GALNT17: variants seen among roughly 807,000 people sequenced by gnomAD.
GALNT17 encodes polypeptide N-acetylgalactosaminyltransferase 17.
Under a neutral mutation model 63.7 loss-of-function variants are expected in GALNT17, and 29 were observed. The ratio of observed to expected loss-of-function variants is 0.46; its 90% CI spans 0.34 to 0.62. The LOEUF (loss-of-function observed/expected upper bound fraction) is 0.62. GALNT17 is among the 20% of genes least tolerant of loss of function. The probability of loss-of-function intolerance (pLI) is 0.01; values close to 1 mark genes in which losing one functional copy is unlikely to be tolerated. For synonymous variants in GALNT17, 305 were observed against 318.3 expected (o/e 0.96, Z 0.45); for missense variants, 603 against 799.6 (o/e 0.75, Z 2.97).
intron 6 of GALNT17, among the ~76,000 whole-genome samples, chr7:71,635,146 G>T (rs1562717900): frequency 6.7e-6 from 1 of 149,632 alleles, no homozygotes; most frequent in Non-Finnish European, 1.5e-5. Context: ...GGCAGAGGTT[G>T]CAGTGAGCCG....
chr7:71,654,209 G>T (rs1465545636), intron 6 of GALNT17, among the ~76,000 whole-genome samples: 3 of 152,032 alleles, frequency 2.0e-5, no homozygotes, highest in African/African-American at 7.2e-5. Context: ...TAGAGACGGG[G>T]TTTCACCGTG....
intron 5 of GALNT17, among the ~76,000 whole-genome samples, chr7:71,532,451 C>G (rs2116783609): frequency 6.6e-6 from 1 of 152,192 alleles, no homozygotes; most frequent in South Asian, 2.1e-4. Flanking sequence ...TACCATATGT[C>G]TAAATGTATT....
intron 1 of GALNT17, among the ~76,000 whole-genome samples, chr7:71,333,902 T>C (rs2116079113): frequency 6.6e-6 from 1 of 152,306 alleles, no homozygotes; most frequent in Non-Finnish European, 1.5e-5. Context: ...AGCACAGGTG[T>C]TTGTACTCAA....
chr7:71,413,242 C>G (rs1351316324), intron 3 of GALNT17, among the ~76,000 whole-genome samples: 1 of 152,140 alleles, frequency 6.6e-6, no homozygotes, highest in Non-Finnish European at 1.5e-5. Flanking sequence ...GTTAATGCTC[C>G]CAGCCAAAAC....
intron 2 of GALNT17, among the ~76,000 whole-genome samples, chr7:71,353,945 G>A (rs1387779715): frequency 6.6e-6 from 1 of 152,150 alleles, no homozygotes; most frequent in African/African-American, 2.4e-5. Context: ...GAGGCCTCAG[G>A]AAACTTACAA....
chr7:71,440,102 G>GT (rs1787038668), intron 5 of GALNT17, among the ~76,000 whole-genome samples: 1 of 151,662 alleles, frequency 6.6e-6, no homozygotes, highest in South Asian at 2.1e-4. Context: ...CTAATTTTTC[G>GT]TATTTTTAGT....
chr7:71,650,503 G>T (rs1401896339), intron 6 of GALNT17, among the ~76,000 whole-genome samples: 1 of 152,148 alleles, frequency 6.6e-6, no homozygotes, highest in Non-Finnish European at 1.5e-5. Context: ...GGGATTACAG[G>T]TGTGAGCCCA....
intron 1 of GALNT17, among the ~76,000 whole-genome samples, chr7:71,300,082 A>T (rs905240777): frequency 6.6e-6 from 1 of 152,112 alleles, no homozygotes; most frequent in Admixed American, 6.5e-5. Context: ...CCTGCCCTGG[A>T]GGGAATGTTT....
chr7:71,530,574 A>G (rs997447798), intron 5 of GALNT17, among the ~76,000 whole-genome samples: 1 of 96,410 alleles, frequency 1.0e-5, no homozygotes, highest in Admixed American at 9.3e-5. Context: ...TTATTTATTT[A>G]TTTATTTATT....
intron 5 of GALNT17, among the ~76,000 whole-genome samples, chr7:71,446,890 A>C (rs1224196103): frequency 2.6e-5 from 4 of 152,162 alleles, no homozygotes; most frequent in African/African-American, 9.7e-5. Flanking sequence ...CTATATCTCT[A>C]AATAGTACAC....
At chr7:71,195,281 T>A (rs554368390) in intron 1 of GALNT17, among the ~76,000 whole-genome samples, 1 of 152,182 alleles carries the variant, frequency 6.6e-6, no homozygotes, top group South Asian at 2.1e-4. Context: ...ATTGGCATGA[T>A]CATAACTTAG....
chr7:71,196,389 C>T (rs1046194609), intron 1 of GALNT17, among the ~76,000 whole-genome samples: 3 of 152,156 alleles, frequency 2.0e-5, no homozygotes, highest in Admixed American at 6.5e-5. Flanking sequence ...ATCCACCCGC[C>T]TCAGCCTCCC....
At chr7:71,582,213 A>G (rs1195192983) in intron 6 of GALNT17, among the ~76,000 whole-genome samples, 1 of 152,154 alleles carries the variant, frequency 6.6e-6, no homozygotes, top group Non-Finnish European at 1.5e-5. Context: ...ACATGTTTGT[A>G]GCAGCACAAT....
At chr7:71,646,615 C>T (rs893074850) in intron 6 of GALNT17, among the ~76,000 whole-genome samples, 1 of 152,176 alleles carries the variant, frequency 6.6e-6, no homozygotes, top group Admixed American at 6.6e-5. Flanking sequence ...GGTCAGACCC[C>T]TCATCTTGGC....
intron 1 of GALNT17, among the ~76,000 whole-genome samples, chr7:71,283,385 A>G (rs1562969000): frequency 6.6e-6 from 1 of 152,014 alleles, no homozygotes; most frequent in Non-Finnish European, 1.5e-5. Flanking sequence ...TGGTTTAATT[A>G]TGTTGATTAT....
At chr7:71,465,841 T>C (rs1292981780) in intron 5 of GALNT17, among the ~76,000 whole-genome samples, 1 of 152,226 alleles carries the variant, frequency 6.6e-6, no homozygotes, top group Non-Finnish European at 1.5e-5. Context: ...CAGCTTTTAT[T>C]GGAAGGACAG....
At chr7:71,489,300 C>T (rs982346257) in intron 5 of GALNT17, among the ~76,000 whole-genome samples, 6 of 152,134 alleles carry the variant, frequency 3.9e-5, no homozygotes, top group African/African-American at 1.4e-4. Context: ...ACCTGACTAT[C>T]GTCTTAAAAT....
intron 1 of GALNT17, among the ~76,000 whole-genome samples, chr7:71,241,101 T>A (rs1416098692): frequency 6.6e-6 from 1 of 152,206 alleles, no homozygotes; most frequent in East Asian, 1.9e-4. Flanking sequence ...ATGATGATGT[T>A]CTCTGTAAGT....
intron 6 of GALNT17, among the ~76,000 whole-genome samples, chr7:71,620,474 T>C (rs947320178): frequency 5.9e-5 from 9 of 152,182 alleles, no homozygotes; most frequent in Admixed American, 2.6e-4. Context: ...AAGACCCTGT[T>C]TCTAATAAAT....
Sources: gnomAD v4.1 joint callset for allele counts (sites outside exome capture counted in the v4.1 genomes callset) on GRCh38, gnomAD v4.1.1 for gene constraint, MANE v1.5 for transcripts, NCBI Gene and HGNC (gene_info 2026-07-23, HGNC 2026-07-21) for gene names.